The following SPARCL1 variants were observed in gnomAD, a reference collection of about 807,000 sequenced individuals.
SPARCL1 encodes SPARC-like protein 1.
A neutral mutation model predicts 67.1 loss-of-function variants in SPARCL1; 52 were observed. The observed-to-expected ratio is 0.78, with a 90% CI of 0.62 to 0.98. The LOEUF (loss-of-function observed/expected upper bound fraction) is 0.98. SPARCL1 is among the 50% of genes least tolerant of loss of function. SPARCL1 has a pLI of 0.00. For synonymous variants in SPARCL1, 226 were observed against 267.8 expected (o/e 0.84, Z 1.52); for missense variants, 717 against 782.4 (o/e 0.92, Z 1.00).
intron 1 of SPARCL1, among the ~76,000 whole-genome samples, chr4:87,513,697 T>A (rs1352432949): frequency 6.6e-6 from 1 of 152,172 alleles, no homozygotes; most frequent in Non-Finnish European, 1.5e-5. Flanking sequence ...TTAAGTGTGA[T>A]ATAAGGGAAA....
intron 1 of SPARCL1, among the ~76,000 whole-genome samples, chr4:87,506,014 A>C (rs1221837757): frequency 1.3e-5 from 2 of 152,142 alleles, no homozygotes; most frequent in Non-Finnish European, 2.9e-5. Context: ...TGTGCCTTGT[A>C]GGATGCTTAG....
intron 7 of SPARCL1, among the ~76,000 whole-genome samples, chr4:87,485,364 A>G (rs1724006499): frequency 6.6e-6 from 1 of 152,206 alleles, no homozygotes; most frequent in Non-Finnish European, 1.5e-5. Context: ...GTGATGGCTT[A>G]CACGCATTGA....
intron 1 of SPARCL1, among the ~76,000 whole-genome samples, chr4:87,502,127 A>G (rs1465729182): frequency 6.6e-6 from 1 of 152,132 alleles, no homozygotes; most frequent in African/African-American, 2.4e-5. Context: ...AAAAAAAATT[A>G]TACCTTTATA....
intron 10 of SPARCL1, among the ~76,000 whole-genome samples, chr4:87,474,743 C>CTT (rs11397474): frequency 3.3e-4 from 43 of 130,724 alleles, no homozygotes; most frequent in Non-Finnish European, 5.1e-4. Context: ...CTCTCTCTCT[C>CTT]TTTTTTTTTT....
Position 87,473,434 on chromosome 4 carries a change from A to G in SPARCL1, c.*341T>C, listed in dbSNP as rs1440951414. ...ATTCCATTTTCTTGAAGTGCACATG[A>G]TATTATGAACAATACAAATGCATTA... On this transcript the variant is annotated 3_prime_UTR_variant, in exon 11 of 11. Transcript: ENST00000282470. The G allele has an allele frequency of 5.6e-6, 1 of 178,870 alleles. No individual in the cohort carries two copies. Among genetic ancestry groups the G allele is most frequent in the Admixed American group, 6.2e-5 (1 of 16,096 alleles). 11.1% of individuals were successfully genotyped at this position (178,870 alleles called of 1,614,324 possible).
chr4:87,498,588 C>T (rs1337056171), intron 2 of SPARCL1, among the ~76,000 whole-genome samples: 1 of 152,098 alleles, frequency 6.6e-6, no homozygotes, highest in African/African-American at 2.4e-5. Context: ...GTTTTGAGGC[C>T]ACTGACACGG....
At chr4:87,500,390 C>G (rs1351434599) in intron 1 of SPARCL1, among the ~76,000 whole-genome samples, 1 of 152,166 alleles carries the variant, frequency 6.6e-6, no homozygotes, top group Non-Finnish European at 1.5e-5. Context: ...AGTAAGTTGT[C>G]TCCAGATGAA....
chr4:87,488,207 G>A (rs990338187), intron 7 of SPARCL1, among the ~76,000 whole-genome samples: 1 of 152,190 alleles, frequency 6.6e-6, no homozygotes, highest in African/African-American at 2.4e-5. Context: ...GGCTTTTTGT[G>A]TTGGTTTTTC....
chr4:87,528,688 T>G (rs907232601), intron 1 of SPARCL1: 1 of 152,198 alleles, frequency 6.6e-6, no homozygotes, highest in Non-Finnish European at 1.5e-5. Flanking sequence ...ACCTTCTTTA[T>G]AGTTTATTTC....
At chr4:87,486,888 C>CTTTTTTT (rs57597004) in intron 7 of SPARCL1, among the ~76,000 whole-genome samples, 3 of 27,996 alleles carry the variant, frequency 1.1e-4, no homozygotes, top group Non-Finnish European at 1.4e-4. Context: ...GCAATTCCTG[C>CTTTTTTT]TTTTTTTTTT....
chr4:87,480,820 C>CCTTTTT (rs59503255), intron 8 of SPARCL1, among the ~76,000 whole-genome samples: 31 of 133,396 alleles, frequency 2.3e-4, no homozygotes, highest in African/African-American at 5.8e-4. Flanking sequence ...ATGTTCGCTG[C>CCTTTTT]TTTTTTTTTT....
At chr4:87,507,929 T>C (rs568791583) in intron 1 of SPARCL1, among the ~76,000 whole-genome samples, 1 of 152,288 alleles carries the variant, frequency 6.6e-6, no homozygotes, top group East Asian at 1.9e-4. Flanking sequence ...TAAAGGATAT[T>C]ACAAAAAGAT....
intron 1 of SPARCL1, among the ~76,000 whole-genome samples, chr4:87,510,771 C>T (rs1041082696): frequency 3.3e-5 from 5 of 152,252 alleles, no homozygotes; most frequent in African/African-American, 1.2e-4. Flanking sequence ...GCCCTTTGCC[C>T]TTGCTGGCGG....
rs57597004 is a variant in SPARCL1 at position 87,486,888 on chromosome 4, C to CTTTTTTTTTTTTTTTTTTTTTTTTT, written c.1531+3360_1531+3384dup. ...TCTGAGGCTAGTATTGCAATTCCTG[C>CTTTTTTTTTTTTTTTTTTTTTTTTT]TTTTTTTTTTTTTTTTTTTTTTTTT... is the stretch of plus-strand genomic sequence containing the variant. On this transcript the variant is annotated intron_variant, in intron 7 of 10. Coordinates refer to ENST00000282470, the MANE Select transcript of SPARCL1 (RefSeq NM_004684.6). Among the ~76,000 whole-genome samples, 15 of 28,000 alleles carry CTTTTTTTTTTTTTTTTTTTTTTTTT rather than the reference C, an allele frequency of 5.4e-4. 3 individuals carry two copies. The highest frequency in any genetic ancestry group is 9.9e-4 in the Non-Finnish European group (14 of 14,154). The allele number at this position is 28,000 out of a possible 152,430, so 18.4% of individuals were successfully genotyped here.
At chr4:87,525,806 G>A (rs1374221874) in intron 1 of SPARCL1, among the ~76,000 whole-genome samples, 4 of 152,096 alleles carry the variant, frequency 2.6e-5, no homozygotes, top group Non-Finnish European at 5.9e-5. Flanking sequence ...CCCAGAGCAG[G>A]TCATGAAGCA....
chr4:87,500,392 C>G (rs1386041033), intron 1 of SPARCL1, among the ~76,000 whole-genome samples: 1 of 152,126 alleles, frequency 6.6e-6, no homozygotes, highest in Non-Finnish European at 1.5e-5. Flanking sequence ...TAAGTTGTCT[C>G]CAGATGAACT....
intron 7 of SPARCL1, among the ~76,000 whole-genome samples, chr4:87,489,323 G>T (rs117958598): frequency 6.6e-6 from 1 of 152,300 alleles, no homozygotes; most frequent in East Asian, 1.9e-4. Flanking sequence ...GTCCCTCACA[G>T]CTTCCCTTCG....
chr4:87,486,889 T>C (rs1281296935), intron 7 of SPARCL1, among the ~76,000 whole-genome samples: 4 of 30,468 alleles, frequency 1.3e-4, no homozygotes, highest in South Asian at 2.3e-3. Flanking sequence ...CAATTCCTGC[T>C]TTTTTTTTTT....
chr4:87,483,633 G>C (rs11097158), intron 7 of SPARCL1, among the ~76,000 whole-genome samples: 32,848 of 152,008 alleles, frequency 0.22, 5,353 homozygotes, highest in African/African-American at 0.46. Flanking sequence ...AATGGTATTT[G>C]TAGTTCTAGA....
Sources: gnomAD v4.1 joint callset for allele counts (sites outside exome capture counted in the v4.1 genomes callset) on GRCh38, gnomAD v4.1.1 for gene constraint, MANE v1.5 for transcripts, NCBI Gene and HGNC (gene_info 2026-07-23, HGNC 2026-07-21) for gene names.